GON4L: variants seen among roughly 807,000 people sequenced by gnomAD.
GON4L encodes GON-4-like protein.
A neutral mutation model predicts 211.8 loss-of-function variants in GON4L; 87 were observed. That is an observed-to-expected ratio of 0.41 (90% CI 0.35 to 0.49). The LOEUF (loss-of-function observed/expected upper bound fraction) is 0.49, where lower values mean the gene tolerates loss of function less well. Among genes scored for constraint, GON4L ranks in the 20% least tolerant of loss-of-function variants. The pLI is 0.15. For synonymous variants in GON4L, 875 were observed against 962.6 expected, an observed-to-expected ratio of 0.91 and a Z score of 1.68; for missense variants, 2,155 against 2,659.5, an observed-to-expected ratio of 0.81 and a Z score of 4.17.
intron 25 of GON4L, 124 bp from the exon 26 acceptor site, chr1:155,757,447 G>C (rs749065353): frequency 2.4e-6 from 2 of 825,994 alleles, no homozygotes; most frequent in African/African-American, 1.7e-5. Flanking sequence ...CAGAGACTCT[G>C]CCTGGTAACA....
At chr1:155,835,238 A>G (rs1229772430) in intron 2 of GON4L, among the ~76,000 whole-genome samples, 1 of 152,118 alleles carries the variant, frequency 6.6e-6, no homozygotes, top group African/African-American at 2.4e-5. Context: ...GCGGTGCAAG[A>G]TGTGCTTTGT....
intron 20 of GON4L, among the ~76,000 whole-genome samples, 155 bp from the exon 21 acceptor site, chr1:155,766,864 G>A (rs1286458802): frequency 1.3e-5 from 2 of 152,154 alleles, no homozygotes; most frequent in African/African-American, 2.4e-5. Context: ...TGACCAACAC[G>A]GTGAAACCCC....
chr1:155,853,327 G>C lies in GON4L; in HGVS notation c.454C>G (p.Leu152Val). The C allele has an allele frequency of 6.2e-7, 1 of 1,614,080 alleles. No individual in the cohort carries two copies. Among genetic ancestry groups the C allele is most frequent in the Non-Finnish European group, 8.5e-7 (1 of 1,179,956 alleles). ...GGCTCTCCTGAAAAAGGCTCCTTTA[G>C]GGTAAGATGATCACATCTGTCTTCT... is the stretch of plus-strand genomic sequence containing the variant. The part of the protein sequence containing the change: ...TQEDRCDHLT[L>V]KEPFSGEPSE... The change falls in exon 2 of 32, where the codon CTA (leucine) becomes GTA (valine). Residue 152 changes from leucine (L) to valine (V), a missense_variant. Leu to Val is a conservative substitution (Grantham distance 32). Around this residue, in one of 6 missense-constraint regions of GON4L, gnomAD observed 313 missense variants for 293.2 expected, o/e 1.07. Transcript: ENST00000368331.
chr1:155,767,387 C>T (rs1203797268), intron 20 of GON4L, 38 bp downstream of exon 20: 20 of 1,613,726 alleles, frequency 1.2e-5, no homozygotes, highest in Admixed American at 6.7e-5. Context: ...TTTCAGTGAC[C>T]TTCTGCCTCC....
Position 155,760,518 on chromosome 1 carries a change from G to C in GON4L, c.5035C>G (p.Leu1679Val). The stretch of plus-strand genomic sequence containing the variant: ...TTCAACAGCTGAGGCCAGTCTTGGA[G>C]CAGAATTTGCAGGCTTTTGTAGAGA... Reference protein sequence around the residue: ...VDLYKSLQILLQDWPQLLKDF... With the variant: ...VDLYKSLQILVQDWPQLLKDF... Residue 1679 changes from leucine (L) to valine (V), a missense_variant, in exon 24 of 32, where the codon CTC (leucine) becomes GTC (valine). This residue lies in a region of GON4L where 455 missense variants were observed against 504.6 expected (regional missense o/e 0.90). Coordinates refer to ENST00000368331, the MANE Select transcript of GON4L (RefSeq NM_001282860.2). 1 of 1,613,570 alleles carries C rather than the reference G, an allele frequency of 6.2e-7. No homozygotes were observed. The highest frequency in any genetic ancestry group is 8.5e-7 in the Non-Finnish European group (1 of 1,179,528).
chr1:155,773,493 G>T, intron 17 of GON4L: 3 of 432,130 alleles, frequency 6.9e-6, no homozygotes, highest in Non-Finnish European at 1.3e-5. Context: ...AGTAAAATAA[G>T]GTGCTAACAA....
intron 4 of GON4L, among the ~76,000 whole-genome samples, 154 bp from the exon 5 acceptor site, chr1:155,821,702 AAAG>A (rs1165291985): frequency 6.6e-6 from 1 of 152,272 alleles, no homozygotes; most frequent in Admixed American, 6.5e-5. Context: ...AACTGAAAGC[AAAG>A]AAGGCAGAAG....
Position 155,754,495 on chromosome 1 carries a change from G to A in GON4L, c.5518-7C>T, listed in dbSNP as rs1660945069. 2.4e-6 allele frequency: 3 copies of A among 1,237,624 alleles called. No homozygotes were observed. Among genetic ancestry groups the A allele is most frequent in the South Asian group, 2.4e-5 (2 of 82,694 alleles). The allele number at this position is 1,237,624 out of a possible 1,614,324, so 76.7% of individuals were successfully genotyped here. ...CATCTGGCCATTCAGTCTCCTAGGA[G>A]ATACTTGGGCTTGATTAGCTGCCAA... On this transcript the variant is annotated splice_polypyrimidine_tract_variant and splice_region_variant and intron_variant, in intron 27 of 31. Coordinates refer to ENST00000368331, the MANE Select transcript of GON4L (RefSeq NM_001282860.2).
intron 12 of GON4L, among the ~76,000 whole-genome samples, chr1:155,793,464 C>T (rs916078157): frequency 1.2e-4 from 19 of 152,082 alleles, no homozygotes; most frequent in African/African-American, 4.6e-4. Context: ...TTCTCCATGT[C>T]GTGTATATTA....
At chr1:155,820,160 T>C (rs540596771) in intron 6 of GON4L, among the ~76,000 whole-genome samples, 17 of 152,288 alleles carry the variant, frequency 1.1e-4, no homozygotes, top group Middle Eastern at 6.8e-3. Flanking sequence ...GTGATCCATC[T>C]GCCTCGGCCT....
chr1:155,790,212 G>A (rs1052422895), intron 12 of GON4L, among the ~76,000 whole-genome samples: 2 of 151,986 alleles, frequency 1.3e-5, no homozygotes, highest in African/African-American at 4.8e-5. Context: ...CGATTCTCCT[G>A]CCTCAGCCTC....
chr1:155,811,458 A>T lies in GON4L; in HGVS notation c.1452+2176T>A, dbSNP rs1571830516. ...GGATGCTAATATTAGTGTGAGAAAA[A>T]TAATTTGATTGATTGGGCTGGGTGC... On this transcript the variant is annotated intron_variant, in intron 10 of 31. Transcript: ENST00000368331. Among the ~76,000 whole-genome samples the T allele has an allele frequency of 2.0e-5, 3 of 150,938 alleles. No homozygotes were observed. In the South Asian group the frequency reaches 6.3e-4, roughly 32 times the overall value.
chr1:155,785,870 A>G (rs1315817276), intron 12 of GON4L, among the ~76,000 whole-genome samples: 3 of 152,128 alleles, frequency 2.0e-5, no homozygotes, highest in Non-Finnish European at 1.5e-5. Context: ...GCCAAGACAG[A>G]TGGATCACAA....
downstream of GON4L, chr1:155,747,709 G>A: frequency 3.1e-6 from 5 of 1,613,896 alleles, no homozygotes; most frequent in South Asian, 4.4e-5. Flanking sequence ...GCACTCCAGG[G>A]TGGAAGCTCT....
chr1:155,847,302 C>T (rs1449709478), intron 2 of GON4L, among the ~76,000 whole-genome samples: 2 of 152,160 alleles, frequency 1.3e-5, no homozygotes, highest in Non-Finnish European at 2.9e-5. Flanking sequence ...CATGGTGGCT[C>T]ATGCCTGTAA....
chr1:155,773,362 T>A, intron 17 of GON4L, 152 bp from the exon 18 acceptor site: 3 of 784,100 alleles, frequency 3.8e-6, no homozygotes, highest in African/African-American at 1.7e-5. Context: ...AAGTTTCCAG[T>A]CTTTCTTAAG....
chr1:155,840,733 G>GCAAA (rs1670695228), intron 2 of GON4L, among the ~76,000 whole-genome samples: 1 of 152,176 alleles, frequency 6.6e-6, no homozygotes, highest in Admixed American at 6.5e-5. Flanking sequence ...GGCAAAAGGG[G>GCAAA]CAAAGTAAAC....
chr1:155,762,145 C>CACATTCATAGAGACTGGCAATA (rs1423654950), intron 23 of GON4L, 45 bp downstream of exon 23: 1 of 1,449,492 alleles, frequency 6.9e-7, no homozygotes, highest in South Asian at 1.2e-5. Context: ...AAGAAGCAGC[C>CACATTCATAGAGACTGGCAATA]ACATTCATAG....
At chr1:155,761,894 A>G (rs1661845343) in intron 23 of GON4L, among the ~76,000 whole-genome samples, 1 of 152,190 alleles carries the variant, frequency 6.6e-6, no homozygotes, top group Non-Finnish European at 1.5e-5. Context: ...AAAGGTCCTT[A>G]TCAGCGCACC....
Sources: gnomAD v4.1 joint callset for allele counts (sites outside exome capture counted in the v4.1 genomes callset) on GRCh38, gnomAD v4.1.1 for gene constraint, gnomAD v4.1.1 regional missense constraint, MANE v1.5 for transcripts, NCBI Gene and HGNC (gene_info 2026-07-23, HGNC 2026-07-21) for gene names.